ANKRD37: variants seen among roughly 807,000 people sequenced by gnomAD.
ANKRD37 encodes the protein ankyrin repeat domain 37, also known as ankyrin repeat domain-containing protein 37.
In ANKRD37, 17 loss-of-function variants were observed where a neutral mutation model predicts 19.7. The observed-to-expected ratio is 0.86, with a 90% CI of 0.59 to 1.29. The LOEUF (loss-of-function observed/expected upper bound fraction) is 1.29, where lower values mean the gene tolerates loss of function less well. Ranked by LOEUF, ANKRD37 falls within the 50% of genes most tolerant of loss-of-function variation. The pLI is 0.00. For missense variants in ANKRD37, 207 were observed against 190.4 expected (o/e 1.09, Z -0.51); for synonymous variants, 79 against 74.5 (o/e 1.06, Z -0.31).
rs996523264 is a variant in ANKRD37 at position 185,397,317 on chromosome 4, G to C, written c.180+15G>C. ...TCAACCAGCAGGTAACTAGGTAACT[G>C]TTGCTGTGTACAGCCGTCCCCTCCA... On this transcript the variant is annotated intron_variant, in intron 2 of 4. Coordinates refer to ENST00000335174, the MANE Select transcript of ANKRD37 (RefSeq NM_181726.4). The C allele has an allele frequency of 6.2e-7, 1 of 1,613,084 alleles. No individual in the cohort carries two copies. Among genetic ancestry groups the C allele is most frequent in the African/African-American group, 1.3e-5 (1 of 74,936 alleles).
intron 2 of ANKRD37, chr4:185,397,677 C>G (rs1333367167): frequency 4.8e-6 from 1 of 208,760 alleles, no homozygotes; most frequent in Non-Finnish European, 9.9e-6. Context: ...AGACTAGCCA[C>G]ATTTCAAATA....
chr4:185,399,420 T>C (rs1442669388), intron 3 of ANKRD37, 150 bp from the exon 4 acceptor site: 5 of 749,946 alleles, frequency 6.7e-6, no homozygotes, highest in South Asian at 1.8e-5. Context: ...GAGGATACAA[T>C]AGTGACCAAA....
In ANKRD37 at chr4:185,399,036, T is replaced by C; in HGVS notation, c.272+8T>C. ...CAGTGATGCCCAAATTGAGTGAGTA[T>C]GAAAACAGTGGCTTCACATTTTATG... On this transcript the variant is annotated splice_region_variant and intron_variant, in intron 3 of 4. Transcript: ENST00000335174. The C allele has an allele frequency of 1.2e-6, 2 of 1,611,006 alleles. No homozygotes were observed. Among genetic ancestry groups the C allele is most frequent in the Non-Finnish European group, 8.5e-7 (1 of 1,177,360 alleles).
chr4:185,397,258 T>C lies in ANKRD37; in HGVS notation c.136T>C (p.Phe46Leu). Residue 46 changes from phenylalanine (F) to leucine (L), a missense_variant, in exon 2 of 5, where the codon TTT becomes CTT. Physicochemically the swap from Phe to Leu is conservative, Grantham distance 22. Coordinates refer to ENST00000335174, the MANE Select transcript of ANKRD37 (RefSeq NM_181726.4). ...HLAAGSGLACFLLWQLQTGAD... is the reference protein window; with the variant it reads ...HLAAGSGLACLLLWQLQTGAD... ...AGCCGCAGGAAGCGGCCTTGCTTGCTTTCTTCTCTGGCAGCTGCAAACGGG... is the reference window on the plus strand; with the variant it reads ...AGCCGCAGGAAGCGGCCTTGCTTGCCTTCTTCTCTGGCAGCTGCAAACGGG... 6.2e-7 allele frequency: 1 copy of C among 1,614,094 alleles called. No individual in the cohort carries two copies. The highest frequency in any genetic ancestry group is 8.5e-7 in the Non-Finnish European group (1 of 1,180,018).
chr4:185,397,552 C>A, intron 2 of ANKRD37: 1 of 470,084 alleles, frequency 2.1e-6, no homozygotes, highest in Non-Finnish European at 3.7e-6. Flanking sequence ...GTATTTGACC[C>A]AATTTGTCCA....
intron 1 of ANKRD37, 27 bp downstream of exon 1, chr4:185,396,977 G>A (rs761416661): frequency 6.2e-7 from 1 of 1,613,088 alleles, no homozygotes; most frequent in South Asian, 1.1e-5. Context: ...CAGAGCCCGA[G>A]CTTTTGTCCT....
At chr4:185,400,554 T>C, downstream of ANKRD37, 3 of 1,096,204 alleles carry the variant, frequency 2.7e-6, no homozygotes, top group Non-Finnish European at 4.1e-6. Flanking sequence ...GACATCAGGC[T>C]CTGTCAGCAG....
At chr4:185,399,963 G>T in intron 4 of ANKRD37, 54 bp from the exon 5 acceptor site, 2 of 1,586,778 alleles carry the variant, frequency 1.3e-6, no homozygotes, top group Non-Finnish European at 8.5e-7. Flanking sequence ...GAAGTTTGGG[G>T]ATAAAACTCT....
chr4:185,400,479 C>A (rs990928885), downstream of ANKRD37: 42 of 1,611,204 alleles, frequency 2.6e-5, no homozygotes, highest in Non-Finnish European at 3.6e-5. Flanking sequence ...CGCACCAGCC[C>A]TGGATAGAGA....
At chr4:185,400,701 C>T (rs1012081598), downstream of ANKRD37, 1 of 391,184 alleles carries the variant, frequency 2.6e-6, no homozygotes, top group Non-Finnish European at 4.5e-6. Context: ...TCATAAAAAT[C>T]ATTAAAAAAA....
Position 185,397,287 on chromosome 4 carries a change from T to C in ANKRD37, c.165T>C (p.Ala55=). 1.2e-6 allele frequency: 2 copies of C among 1,613,964 alleles called. No individual in the cohort carries two copies. The highest frequency in any genetic ancestry group is 1.7e-6 in the Non-Finnish European group (2 of 1,179,998). Residue 55 remains alanine, a synonymous_variant, in exon 2 of 5, where the codon GCT becomes GCC. Coordinates refer to ENST00000335174, the MANE Select transcript of ANKRD37 (RefSeq NM_181726.4). ...TTCTCTGGCAGCTGCAAACGGGCGC[T>C]GACCTCAACCAGCAGGTAACTAGGT... ...CFLLWQLQTG[A]DLNQQDVLGE...
Position 185,399,691 on chromosome 4 carries a change from G to T in ANKRD37, c.394G>T (p.Asp132Tyr), listed in dbSNP as rs140918899. The change falls in exon 4 of 5, where the codon GAC (aspartate) becomes TAC (tyrosine). Residue 132 changes from aspartate (D) to tyrosine (Y), a missense_variant. Transcript: ENST00000335174. The part of the protein sequence containing the change: ...MQTIKASEHP[D>Y]RNDCVAVLRQ... ...GACAATAAAAGCAAGTGAACACCCT[G>T]ACAGGAATGATTGTGTTGCCGTGCT... 6.2e-7 allele frequency: 1 copy of T among 1,614,006 alleles called. No homozygotes were observed. Among genetic ancestry groups the T allele is most frequent in the African/African-American group, 1.3e-5 (1 of 74,910 alleles).
At chr4:185,400,383 C>A, downstream of ANKRD37, 1 of 1,604,112 alleles carries the variant, frequency 6.2e-7, no homozygotes, top group Non-Finnish European at 8.5e-7. Flanking sequence ...TCTTTGACTC[C>A]AAGATATTTT....
At chr4:185,397,592 G>T in intron 2 of ANKRD37, 1 of 354,274 alleles carries the variant, frequency 2.8e-6, no homozygotes, top group Non-Finnish European at 5.2e-6. Flanking sequence ...TGTAATCAAA[G>T]CAATTGCTGA....
chr4:185,397,365 C>T, intron 2 of ANKRD37, 63 bp downstream of exon 2: 2 of 1,569,162 alleles, frequency 1.3e-6, no homozygotes, highest in Non-Finnish European at 1.7e-6. Flanking sequence ...ACAAACATTT[C>T]TCAGACGCCA....
rs1455711372 is a variant in ANKRD37 at position 185,399,179 on chromosome 4, TGCTATCGAATAATACTCAGTTCGAGTAA to T, written c.272+153_272+180del. 5.4e-6 allele frequency: 4 copies of T among 737,634 alleles called. No homozygotes were observed. The East Asian group carries it at 8.4e-5, about 15-fold the overall frequency. 45.7% of individuals were successfully genotyped at this position (737,634 alleles called of 1,614,324 possible). A position where few individuals can be genotyped will look rare whatever the true frequency, so the allele number is the denominator to read the frequency against. Reference sequence around the variant, plus strand: ...TTTAAATGTTAACTTAGGTTGTTGGTGCTATCGAATAATACTCAGTTCGAGTAAGTAAAAAGTCAGATCCTGAGCAATC... The same window carrying T: ...TTTAAATGTTAACTTAGGTTGTTGGTGTAAAAAGTCAGATCCTGAGCAATC... On this transcript the variant is annotated intron_variant, in intron 3 of 4. Transcript: ENST00000335174.
At chr4:185,397,681 T>G in intron 2 of ANKRD37, 1 of 204,794 alleles carries the variant, frequency 4.9e-6, no homozygotes. Flanking sequence ...TAGCCACATT[T>G]CAAATACTCT....
rs1011928520 is a variant in ANKRD37 at position 185,396,954 on chromosome 4, A to T, written c.27+4A>T. On this transcript the variant is annotated splice_donor_region_variant and intron_variant, in intron 1 of 4. Transcript: ENST00000335174. ...GTTGCTGGATTGCAACCCCGAGGTG[A>T]GATTCGGGCTCACAGAGCCCGAGCT... The T allele has an allele frequency of 1.2e-6, 2 of 1,613,490 alleles. No individual in the cohort carries two copies. The highest frequency in any genetic ancestry group is 1.7e-5 in the Admixed American group (1 of 60,010).
rs753436386 is a variant in ANKRD37 at position 185,396,895 on chromosome 4, G to A, written c.-29G>A. 2.5e-6 allele frequency: 4 copies of A among 1,612,654 alleles called. No homozygotes were observed. In the South Asian group the frequency reaches 3.3e-5, roughly 13 times the overall value. The stretch of plus-strand genomic sequence containing the variant: ...GTGTCTCACCTCTCTGCACTTCCAA[G>A]GACTCTTGTCATCTGCCTTAGGCGG... On this transcript the variant is annotated 5_prime_UTR_variant, in exon 1 of 5. Coordinates refer to ENST00000335174, the MANE Select transcript of ANKRD37 (RefSeq NM_181726.4).
Sources: allele counts gnomAD v4.1 joint callset, GRCh38; gene constraint gnomAD v4.1.1; transcripts MANE v1.5; gene names NCBI Gene and HGNC (gene_info 2026-07-23, HGNC 2026-07-21).